Variants in MAP6 observed in about 807,000 individuals in gnomAD.
MAP6 encodes microtubule associated protein 6.
In MAP6, 26 loss-of-function variants were observed where a neutral mutation model predicts 42.4. That is an observed-to-expected ratio of 0.61 (90% CI 0.45 to 0.85). MAP6 has a LOEUF of 0.85. Among genes scored for constraint, MAP6 ranks in the 40% least tolerant of loss-of-function variants. MAP6 has a pLI of 0.00. For missense variants in MAP6, 966 were observed against 1,099.0 expected, an observed-to-expected ratio of 0.88 and a Z score of 1.71; for synonymous variants, 418 against 443.8, an observed-to-expected ratio of 0.94 and a Z score of 0.73.
intron 3 of MAP6, chr11:75,602,720 T>G (rs1434323816): frequency 1.6e-6 from 1 of 639,896 alleles, no homozygotes. Context: ...AGAGGCAATC[T>G]AAAAGAGTCA....
intron 1 of MAP6, among the ~76,000 whole-genome samples, chr11:75,608,682 T>C (rs957775186): frequency 6.6e-6 from 1 of 152,212 alleles, no homozygotes; most frequent in African/African-American, 2.4e-5. Context: ...CAAAAAATAT[T>C]GAGTGCCTGC....
intron 3 of MAP6, chr11:75,596,607 TAA>T (rs947845484): frequency 2.6e-5 from 4 of 152,548 alleles, no homozygotes; most frequent in Middle Eastern, 3.4e-3. Context: ...GCATCCTGCC[TAA>T]GAGTGCCCAT....
intron 1 of MAP6, among the ~76,000 whole-genome samples, chr11:75,662,671 G>T (rs996042626): frequency 1.3e-4 from 20 of 152,218 alleles, no homozygotes; most frequent in African/African-American, 4.6e-4. Flanking sequence ...ACTAAATTTT[G>T]AGAATGATGC....
rs558655349 is a variant in MAP6, at chr11:75,631,762, G to A, written c.906-23440C>T. ...TAGGAGGAAATGAGGGAATATCAAGGTCAGGTCTAAAAGGAGATCAATGAA... is the reference window on the plus strand; with the variant it reads ...TAGGAGGAAATGAGGGAATATCAAGATCAGGTCTAAAAGGAGATCAATGAA... On this transcript the variant is annotated intron_variant, in intron 1 of 3. Transcript: ENST00000304771. 4.1e-4 allele frequency among the ~76,000 whole-genome samples: 63 copies of A among 152,364 alleles called. 1 individual carries two copies. The highest frequency in any genetic ancestry group is 1.5e-3 in the African/African-American group (63 of 41,580).
At chr11:75,605,725 T>C in intron 3 of MAP6, 83 bp downstream of exon 3, 1 of 1,567,132 alleles carries the variant, frequency 6.4e-7, no homozygotes, top group Non-Finnish European at 8.6e-7. Flanking sequence ...TTTGTGGCCT[T>C]TTTTGGTTTG....
At chr11:75,598,070 A>G (rs1942612752) in intron 3 of MAP6, among the ~76,000 whole-genome samples, 1 of 152,144 alleles carries the variant, frequency 6.6e-6, no homozygotes, top group African/African-American at 2.4e-5. Context: ...TTGCTTTCAG[A>G]GCTCTTGCCA....
intron 1 of MAP6, among the ~76,000 whole-genome samples, chr11:75,639,629 G>A (rs1943429931): frequency 6.6e-6 from 1 of 152,170 alleles, no homozygotes; most frequent in Non-Finnish European, 1.5e-5. Flanking sequence ...CGACTGAAAG[G>A]AACTTTTTGT....
Position 75,603,741 on chromosome 11 carries a change from C to T in MAP6, c.1316+2067G>A, listed in dbSNP as rs111278454. 2.8e-3 allele frequency: 2,732 copies of T among 985,220 alleles called. 68 individuals are homozygous for T. In the African/African-American group the frequency reaches 0.045, roughly 16 times the overall value. 61.0% of individuals were successfully genotyped at this position (985,220 alleles called of 1,614,324 possible). A position where few individuals can be genotyped will look rare whatever the true frequency, so the allele number is the denominator to read the frequency against. ...ACAGATTTCTTTATACTGCCCACCA[C>T]GCCTAGCACAGTGCCTGGCACACGG... On this transcript the variant is annotated intron_variant, in intron 3 of 3. Coordinates refer to ENST00000304771, the MANE Select transcript of MAP6 (RefSeq NM_033063.2).
chr11:75,636,092 G>A (rs1429678676), intron 1 of MAP6: 1 of 152,232 alleles, frequency 6.6e-6, no homozygotes, highest in African/African-American at 2.4e-5. Flanking sequence ...TGGGTCCCAG[G>A]AAGCTGCACT....
chr11:75,656,589 C>T, intron 1 of MAP6, among the ~76,000 whole-genome samples: 1 of 152,110 alleles, frequency 6.6e-6, no homozygotes, highest in Non-Finnish European at 1.5e-5. Context: ...TTGCTGACTC[C>T]TCCCTCACAT....
intron 1 of MAP6, among the ~76,000 whole-genome samples, chr11:75,658,396 A>AT (rs1555044381): frequency 8.8e-4 from 60 of 68,250 alleles, no homozygotes; most frequent in African/African-American, 5.2e-3. Context: ...CCATTTCTCC[A>AT]CCCCCCCCGC....
intron 1 of MAP6, among the ~76,000 whole-genome samples, chr11:75,636,827 C>T (rs564492824): frequency 2.4e-4 from 37 of 152,336 alleles, no homozygotes; most frequent in African/African-American, 8.7e-4. Flanking sequence ...AGAAGCCTTT[C>T]ATCCATATTC....
At chr11:75,610,652 G>T (rs569536417) in intron 1 of MAP6, among the ~76,000 whole-genome samples, 1 of 152,226 alleles carries the variant, frequency 6.6e-6, no homozygotes, top group African/African-American at 2.4e-5. Flanking sequence ...TTTGGAAAGA[G>T]AATTTTGAGA....
chr11:75,646,460 A>C (rs4544029), intron 1 of MAP6, among the ~76,000 whole-genome samples: 6,949 of 143,674 alleles, frequency 0.048, 224 homozygotes, highest in East Asian at 0.14. Context: ...CCAGGAGTTC[A>C]AGACCAGCCT....
rs148973090 is a variant in MAP6 at position 75,659,003 on chromosome 11, A to G, written c.905+8462T>C. Among the ~76,000 whole-genome samples the G allele has an allele frequency of 1.2e-4, 18 of 152,310 alleles. No individual in the cohort carries two copies. In the East Asian group the frequency reaches 3.5e-3, roughly 29 times the overall value. On this transcript the variant is annotated intron_variant, in intron 1 of 3. Coordinates refer to ENST00000304771, the MANE Select transcript of MAP6 (RefSeq NM_033063.2). Reference sequence around the variant, plus strand: ...CACTTGTCTCTGTCCAATAACCATAAGACTCCTGAGAGCAGGGACCACTTT... The same window carrying G: ...CACTTGTCTCTGTCCAATAACCATAGGACTCCTGAGAGCAGGGACCACTTT...
At chr11:75,634,291 T>C (rs2135640518) in intron 1 of MAP6, among the ~76,000 whole-genome samples, 1 of 152,350 alleles carries the variant, frequency 6.6e-6, no homozygotes, top group South Asian at 2.1e-4. Flanking sequence ...TTATTCTTTT[T>C]TGTTTTTGAG....
At chr11:75,626,490 G>C (rs1280500799) in intron 1 of MAP6, among the ~76,000 whole-genome samples, 1 of 152,116 alleles carries the variant, frequency 6.6e-6, no homozygotes, top group Non-Finnish European at 1.5e-5. Context: ...GACCACTTTG[G>C]GGCAATAAGA....
intron 1 of MAP6, among the ~76,000 whole-genome samples, chr11:75,640,486 C>T (rs986945800): frequency 6.6e-5 from 10 of 152,138 alleles, no homozygotes; most frequent in African/African-American, 2.4e-4. Flanking sequence ...TGCTGACATG[C>T]ATAATAACAA....
chr11:75,620,348 G>A (rs1323406792), intron 1 of MAP6, among the ~76,000 whole-genome samples: 1 of 152,006 alleles, frequency 6.6e-6, no homozygotes, highest in Non-Finnish European at 1.5e-5. Context: ...GCTCATGCCT[G>A]TAGTCACAGC....
Sources: gnomAD v4.1 joint callset for allele counts (sites outside exome capture counted in the v4.1 genomes callset) on GRCh38, gnomAD v4.1.1 for gene constraint, MANE v1.5 for transcripts, NCBI Gene and HGNC (gene_info 2026-07-23, HGNC 2026-07-21) for gene names.